ANKRD36: variants seen among roughly 807,000 people sequenced by gnomAD.
ANKRD36 encodes ankyrin repeat domain-containing protein 36A.
In ANKRD36, 179 loss-of-function variants were observed where a neutral mutation model predicts 278.1. That is an observed-to-expected ratio of 0.64 (90% confidence interval 0.57 to 0.73). The LOEUF (loss-of-function observed/expected upper bound fraction) is 0.73, where lower values mean the gene tolerates loss of function less well. ANKRD36 is among the 30% of genes least tolerant of loss of function. The probability of loss-of-function intolerance (pLI) is 0.00; values close to 1 mark genes in which losing one functional copy is unlikely to be tolerated. For synonymous variants in ANKRD36, 320 were observed against 641.1 expected (o/e 0.50, Z 7.57); for missense variants, 1,159 against 1,956.7 (o/e 0.59, Z 7.69).
chr2:97,181,779 A>T lies in ANKRD36; in HGVS notation c.1823A>T (p.Gln608Leu), dbSNP rs747875762. ...SNIATEIKKG[Q>L]QSGTVSPQKQ... Reference sequence around the variant, plus strand: ...ATAGCCACAGAAATAAAGAAGGGACAACAATCTGGGACAGGTAATTTTGCA... The same window carrying T: ...ATAGCCACAGAAATAAAGAAGGGACTACAATCTGGGACAGGTAATTTTGCA... The change falls in exon 26 of 76, where the codon CAA becomes CTA. Residue 608 changes from glutamine to leucine, a missense_variant. Coordinates refer to ENST00000420699, the MANE Select transcript of ANKRD36 (RefSeq NM_001354587.1). The T allele has an allele frequency of 1.2e-6, 2 of 1,609,134 alleles. No homozygotes were observed. Among genetic ancestry groups the T allele is most frequent in the Admixed American group, 1.7e-5 (1 of 59,606 alleles).
intron 62 of ANKRD36, chr2:97,215,970 G>T (rs2065827165): frequency 3.4e-6 from 1 of 295,928 alleles, no homozygotes; most frequent in Admixed American, 4.9e-5. Flanking sequence ...TTGTGAGGCA[G>T]GAAGGAGAGA....
intron 8 of ANKRD36, among the ~76,000 whole-genome samples, chr2:97,143,080 A>G (rs751110459): frequency 7.9e-5 from 12 of 151,968 alleles, no homozygotes; most frequent in African/African-American, 1.4e-4. Flanking sequence ...AGTGCAAGAT[A>G]TAACAGGCAA....
intron 54 of ANKRD36, among the ~76,000 whole-genome samples, chr2:97,208,984 T>A (rs2063626994): frequency 1.4e-5 from 2 of 146,724 alleles, no homozygotes; most frequent in Non-Finnish European, 3.0e-5. Context: ...TGATAATTGA[T>A]GATATTTTTA....
chr2:97,183,916 A>G (rs1384669797), intron 28 of ANKRD36, among the ~76,000 whole-genome samples: 1 of 151,562 alleles, frequency 6.6e-6, no homozygotes, highest in Non-Finnish European at 1.5e-5. Context: ...AGAGGATCGG[A>G]GGACAGCATA....
intron 1 of ANKRD36, among the ~76,000 whole-genome samples, chr2:97,116,735 AAATT>A (rs1282941124): frequency 2.0e-5 from 3 of 152,144 alleles, no homozygotes; most frequent in Non-Finnish European, 1.5e-5. Context: ...AAACAATTTT[AAATT>A]AATTATTTTA....
intron 30 of ANKRD36, 63 bp from the exon 31 acceptor site, chr2:97,187,135 T>G (rs2057567760): frequency 3.1e-6 from 5 of 1,602,368 alleles, no homozygotes; most frequent in African/African-American, 1.3e-5. Flanking sequence ...TAACACCGCA[T>G]GAATGTATGG....
intron 10 of ANKRD36, among the ~76,000 whole-genome samples, 179 bp downstream of exon 10, chr2:97,144,891 A>T (rs1284211725): frequency 2.0e-5 from 3 of 151,964 alleles, no homozygotes; most frequent in Non-Finnish European, 4.4e-5. Flanking sequence ...CCATGATCTG[A>T]GTAGTAAGAT....
intron 30 of ANKRD36, among the ~76,000 whole-genome samples, chr2:97,185,943 G>A (rs760305309): frequency 7.9e-5 from 12 of 151,822 alleles, no homozygotes; most frequent in Non-Finnish European, 1.6e-4. Context: ...GACCACTGAT[G>A]TAGCAATTAT....
intron 16 of ANKRD36, 21 bp from the exon 17 acceptor site, chr2:97,158,567 T>C: frequency 6.5e-7 from 1 of 1,535,200 alleles, no homozygotes; most frequent in Non-Finnish European, 8.7e-7. Context: ...TCATCTACTC[T>C]TGACTTTGTT....
chr2:97,230,808 T>C (rs1370188923), intron 67 of ANKRD36, among the ~76,000 whole-genome samples: 15 of 152,200 alleles, frequency 9.9e-5, no homozygotes, highest in Admixed American at 9.2e-4. Flanking sequence ...GATGTACAGA[T>C]GGGTTTTTGA....
intron 24 of ANKRD36, among the ~76,000 whole-genome samples, chr2:97,181,255 A>G (rs1004094822): frequency 6.6e-6 from 1 of 151,638 alleles, no homozygotes; most frequent in Non-Finnish European, 1.5e-5. Flanking sequence ...GGGATCATAT[A>G]CCACCTGCTT....
At chr2:97,227,558 A>C (rs1383610999) in intron 67 of ANKRD36, among the ~76,000 whole-genome samples, 5 of 152,124 alleles carry the variant, frequency 3.3e-5, no homozygotes, top group Admixed American at 1.3e-4. Context: ...ATATACAATC[A>C]TGTCGTCTGC....
intron 20 of ANKRD36, among the ~76,000 whole-genome samples, chr2:97,164,903 C>T (rs949982309): frequency 2.0e-5 from 3 of 152,036 alleles, no homozygotes; most frequent in Non-Finnish European, 4.4e-5. Context: ...ATCTTAATCA[C>T]ATCTTCTGAT....
intron 58 of ANKRD36, 77 bp downstream of exon 58, chr2:97,211,818 G>T (rs1322222915): frequency 6.8e-7 from 1 of 1,462,586 alleles, no homozygotes; most frequent in African/African-American, 1.4e-5. Flanking sequence ...AAAACAGCGG[G>T]GGGTTCGTCA....
At chr2:97,192,807 A>G in intron 36 of ANKRD36, 51 bp from the exon 37 acceptor site, 1 of 1,561,698 alleles carries the variant, frequency 6.4e-7, no homozygotes, top group Non-Finnish European at 8.8e-7. Flanking sequence ...ATGTATGGAT[A>G]ACTTTGTCAT....
At chr2:97,114,172 G>T (rs1255491215) in intron 1 of ANKRD36, among the ~76,000 whole-genome samples, 1 of 101,900 alleles carries the variant, frequency 9.8e-6, no homozygotes, top group Non-Finnish European at 2.0e-5. Context: ...GGGTGCATGG[G>T]GTGGGGGCGT....
chr2:97,169,856 C>A (rs1490187999), intron 22 of ANKRD36, among the ~76,000 whole-genome samples: 1 of 152,174 alleles, frequency 6.6e-6, no homozygotes, highest in African/African-American at 2.4e-5. Context: ...GCCATACTGC[C>A]CAAAGTAATT....
In ANKRD36 at chr2:97,206,241, C is replaced by G; in HGVS notation, c.3163+106C>G. On this transcript the variant is annotated intron_variant, in intron 52 of 75. Coordinates refer to ENST00000420699, the MANE Select transcript of ANKRD36 (RefSeq NM_001354587.1). ...CTCATCGAAGCTGCACTTTCTGATTCAGCAGGCCGGAGATTCTTCATTTGT... is the reference window on the plus strand; with the variant it reads ...CTCATCGAAGCTGCACTTTCTGATTGAGCAGGCCGGAGATTCTTCATTTGT... 6 of 1,243,560 alleles carry G rather than the reference C, an allele frequency of 4.8e-6. No homozygotes were observed. The South Asian group carries it at 6.3e-5, about 13-fold the overall frequency. The allele number at this position is 1,243,560 out of a possible 1,614,324, so 77.0% of individuals were successfully genotyped here.
chr2:97,151,367 T>C (rs535410578), intron 12 of ANKRD36, among the ~76,000 whole-genome samples: 3 of 152,150 alleles, frequency 2.0e-5, no homozygotes, highest in Admixed American at 1.3e-4. Flanking sequence ...TAATTTGTTT[T>C]TAGCTTTTGA....
Sources: allele counts gnomAD v4.1 joint callset (sites outside exome capture counted in the v4.1 genomes callset), GRCh38; gene constraint gnomAD v4.1.1; transcripts MANE v1.5; gene names NCBI Gene and HGNC (gene_info 2026-07-23, HGNC 2026-07-21).